TFEC: variants seen among roughly 807,000 people sequenced by gnomAD.
TFEC encodes class E basic helix-loop-helix protein 34.
Under a neutral mutation model 41.6 loss-of-function variants are expected in TFEC, and 31 were observed. The observed-to-expected ratio is 0.74, with a 90% confidence interval of 0.56 to 1.01. TFEC has a LOEUF of 1.01. Ranked by LOEUF, TFEC falls within the 50% of genes least tolerant of loss-of-function variation. TFEC has a pLI of 0.00. For synonymous variants in TFEC, 143 were observed against 140.6 expected, an observed-to-expected ratio of 1.02 and a Z score of -0.12; for missense variants, 402 against 404.1, an observed-to-expected ratio of 0.99 and a Z score of 0.04.
At chr7:116,032,852 A>T (rs575094829), upstream of TFEC, among the ~76,000 whole-genome samples, 1 of 152,312 alleles carries the variant, frequency 6.6e-6, no homozygotes, top group Admixed American at 6.5e-5. Flanking sequence ...AAAAATTTTT[A>T]AAAATCATGC....
upstream of TFEC, among the ~76,000 whole-genome samples, chr7:116,032,283 CTCTA>C (rs1308805450): frequency 6.6e-6 from 1 of 151,942 alleles, no homozygotes; most frequent in Non-Finnish European, 1.5e-5. Context: ...GTGGCAATTC[CTCTA>C]TCTAAAACCA....
rs532114587 is a variant in TFEC, at chr7:116,072,095, G to T, written c.198+38613C>A. 2.6e-5 allele frequency among the ~76,000 whole-genome samples: 4 copies of T among 151,416 alleles called. 1 individual carries two copies. The highest frequency in any genetic ancestry group is 9.6e-5 in the African/African-American group (4 of 41,468). On this transcript the variant is annotated intron_variant, in intron 3 of 8. Coordinates refer to the TFEC transcript ENST00000484212. ...TGTGTGTGTTTATTAAATTAAATAA[G>T]TTAATTTTTATTTTATGGGCAAAAA...
At chr7:116,019,794 T>C (rs955291977) in intron 1 of TFEC, among the ~76,000 whole-genome samples, 5 of 152,180 alleles carry the variant, frequency 3.3e-5, no homozygotes, top group Admixed American at 2.6e-4. Flanking sequence ...CTATAATCTC[T>C]TATCTGATCC....
chr7:116,147,138 TAG>T (rs2116435759), intron 1 of TFEC, among the ~76,000 whole-genome samples: 1 of 152,276 alleles, frequency 6.6e-6, no homozygotes, highest in Non-Finnish European at 1.5e-5. Context: ...TCTGTCTAAT[TAG>T]AGTTTCAGAA....
At chr7:116,134,561 T>C (rs1360445428) in intron 1 of TFEC, among the ~76,000 whole-genome samples, 1 of 152,128 alleles carries the variant, frequency 6.6e-6, no homozygotes, top group Non-Finnish European at 1.5e-5. Flanking sequence ...CTTTTACATA[T>C]CAAGAGTAAA....
chr7:116,147,676 T>C (rs553308924), intron 1 of TFEC, among the ~76,000 whole-genome samples: 1 of 151,792 alleles, frequency 6.6e-6, no homozygotes, highest in African/African-American at 2.4e-5. Flanking sequence ...GTCCTTGCAA[T>C]AGTTTGCTGA....
intron 1 of TFEC, among the ~76,000 whole-genome samples, chr7:115,984,950 C>G (rs1793785589): frequency 6.6e-6 from 1 of 151,842 alleles, no homozygotes; most frequent in African/African-American, 2.4e-5. Context: ...CTTAAGAAAA[C>G]TAAAAATTAT....
intron 3 of TFEC, among the ~76,000 whole-genome samples, chr7:116,096,830 G>A (rs1490402354): frequency 1.3e-5 from 2 of 151,968 alleles, no homozygotes; most frequent in South Asian, 2.1e-4. Flanking sequence ...TGTGGCTCAC[G>A]CCTGTAATCC....
chr7:116,060,715 G>C (rs1451207680), intron 3 of TFEC, among the ~76,000 whole-genome samples: 1 of 152,058 alleles, frequency 6.6e-6, no homozygotes, highest in African/African-American at 2.4e-5. Flanking sequence ...ACATGAATGG[G>C]GAGATGGGAA....
At chr7:116,115,043 G>A (rs1584535229) in intron 1 of TFEC, among the ~76,000 whole-genome samples, 1 of 152,024 alleles carries the variant, frequency 6.6e-6, no homozygotes. Context: ...TCAGTAGTGT[G>A]GTCCTTTGTT....
At chr7:116,098,395 C>T (rs1228132930) in intron 3 of TFEC, among the ~76,000 whole-genome samples, 2 of 151,958 alleles carry the variant, frequency 1.3e-5, no homozygotes, top group Admixed American at 1.3e-4. Context: ...AACCACTGCG[C>T]CCAGCCGCAA....
intron 1 of TFEC, among the ~76,000 whole-genome samples, chr7:116,137,489 G>A (rs373225708): frequency 5.9e-5 from 9 of 152,086 alleles, no homozygotes; most frequent in Non-Finnish European, 1.2e-4. Context: ...TGACTCTCTC[G>A]TAAACTTGAG....
intron 1 of TFEC, among the ~76,000 whole-genome samples, chr7:116,125,369 T>C (rs746710574): frequency 3.0e-4 from 45 of 152,104 alleles, no homozygotes; most frequent in African/African-American, 1.9e-4. Flanking sequence ...CATGAAACAA[T>C]AGGCAATGAT....
intron 3 of TFEC, among the ~76,000 whole-genome samples, chr7:115,969,299 A>G (rs1208286085): frequency 6.6e-6 from 1 of 151,880 alleles, no homozygotes; most frequent in Admixed American, 6.6e-5. Context: ...CATAGAATAA[A>G]TAGGTAAATG....
rs2130133375 is a variant in TFEC, at chr7:115,938,014, T to G, written c.*2537A>C. 1 of 151,872 alleles carries G rather than the reference T, an allele frequency of 6.6e-6. No individual in the cohort carries two copies. Among genetic ancestry groups the G allele is most frequent in the East Asian group, 1.9e-4 (1 of 5,170 alleles). 9.4% of individuals were successfully genotyped at this position (151,872 alleles called of 1,614,324 possible). On this transcript the variant is annotated 3_prime_UTR_variant, in exon 8 of 8. Coordinates refer to ENST00000265440, the MANE Select transcript of TFEC (RefSeq NM_012252.4). ...ATAACTCTTTACTCTCTTTAAAAATTCATTACCCTTTTTACAGTTCCCTGA... is the reference window on the plus strand; with the variant it reads ...ATAACTCTTTACTCTCTTTAAAAATGCATTACCCTTTTTACAGTTCCCTGA...
chr7:116,003,530 C>T (rs1254250056), intron 1 of TFEC, among the ~76,000 whole-genome samples: 1 of 152,080 alleles, frequency 6.6e-6, no homozygotes, highest in Admixed American at 6.6e-5. Flanking sequence ...AATGAGTCCA[C>T]TATTACAGGT....
chr7:116,093,281 G>A (rs909845367), intron 3 of TFEC, among the ~76,000 whole-genome samples: 1 of 151,938 alleles, frequency 6.6e-6, no homozygotes, highest in African/African-American at 2.4e-5. Context: ...AAAATCTACA[G>A]GTACAATTCT....
intron 3 of TFEC, among the ~76,000 whole-genome samples, chr7:116,051,701 G>A (rs896165677): frequency 1.3e-4 from 20 of 152,120 alleles, no homozygotes; most frequent in African/African-American, 4.1e-4. Context: ...CTATTTCATG[G>A]AGGAGGAGGA....
intron 5 of TFEC, among the ~76,000 whole-genome samples, chr7:115,952,305 G>T (rs1192137472): frequency 6.6e-6 from 1 of 151,574 alleles, no homozygotes; most frequent in Non-Finnish European, 1.5e-5. Context: ...ACACTGACTA[G>T]AAAATAAAGG....
Sources: allele counts gnomAD v4.1 joint callset (sites outside exome capture counted in the v4.1 genomes callset), GRCh38; gene constraint gnomAD v4.1.1; transcripts MANE v1.5; gene names NCBI Gene and HGNC (gene_info 2026-07-23, HGNC 2026-07-21).